The following KCND2 variants were observed in gnomAD, a reference collection of about 807,000 sequenced individuals.
The protein encoded by KCND2 is potassium voltage-gated channel subfamily D member 2.
KCND2 carries 16 observed loss-of-function variants against 54.4 expected under a neutral mutation model. That is an observed-to-expected ratio of 0.29 (90% CI 0.20 to 0.45). The LOEUF (loss-of-function observed/expected upper bound fraction) is 0.45. Among genes scored for constraint, KCND2 ranks in the 20% least tolerant of loss-of-function variants. The probability of loss-of-function intolerance (pLI) is 1.00; values close to 1 mark genes in which losing one functional copy is unlikely to be tolerated. For synonymous variants in KCND2, 317 were observed against 310.7 expected, an observed-to-expected ratio of 1.02 and a Z score of -0.21; for missense variants, 486 against 824.2, an observed-to-expected ratio of 0.59 and a Z score of 5.02.
At chr7:120,693,915 G>T (rs1562911612) in intron 1 of KCND2, among the ~76,000 whole-genome samples, 1 of 152,178 alleles carries the variant, frequency 6.6e-6, no homozygotes, top group Non-Finnish European at 1.5e-5. Context: ...GATGCGTGCG[G>T]TGGTTCATGC....
chr7:120,592,741 G>A (rs1377184646), intron 1 of KCND2, among the ~76,000 whole-genome samples: 1 of 152,172 alleles, frequency 6.6e-6, no homozygotes, highest in Admixed American at 6.5e-5. Context: ...AAGTTACACA[G>A]ATTGTAAAGA....
chr7:120,739,798 A>AGCACAC (rs779585490), intron 2 of KCND2, among the ~76,000 whole-genome samples: 1 of 143,970 alleles, frequency 6.9e-6, no homozygotes, highest in African/African-American at 2.5e-5. Context: ...TAACAAAAGA[A>AGCACAC]ACACACACAC....
intron 1 of KCND2, among the ~76,000 whole-genome samples, chr7:120,703,850 C>T (rs1792433504): frequency 6.6e-6 from 1 of 152,142 alleles, no homozygotes; most frequent in South Asian, 2.1e-4. Flanking sequence ...AACCAAATCC[C>T]ATCTTGTAGC....
intron 1 of KCND2, among the ~76,000 whole-genome samples, chr7:120,669,105 A>G (rs1388649998): frequency 6.6e-6 from 1 of 152,126 alleles, no homozygotes; most frequent in Non-Finnish European, 1.5e-5. Flanking sequence ...TAGTAGAAAC[A>G]AATAAATAGG....
intron 1 of KCND2, among the ~76,000 whole-genome samples, chr7:120,619,448 C>CA (rs1392034124): frequency 6.6e-6 from 1 of 152,082 alleles, no homozygotes; most frequent in Non-Finnish European, 1.5e-5. Context: ...TGTTAGAAAA[C>CA]AAAAAATGCA....
intron 1 of KCND2, among the ~76,000 whole-genome samples, chr7:120,355,933 A>T (rs1800497929): frequency 6.6e-6 from 1 of 152,192 alleles, no homozygotes; most frequent in South Asian, 2.1e-4. Flanking sequence ...TCTCCTGAGT[A>T]AATTTACATA....
intron 1 of KCND2, among the ~76,000 whole-genome samples, chr7:120,506,654 C>T (rs1348895277): frequency 6.6e-6 from 1 of 151,862 alleles, no homozygotes; most frequent in Admixed American, 6.6e-5. Context: ...ATATTTAAAG[C>T]TGTCAAATGG....
intron 1 of KCND2, among the ~76,000 whole-genome samples, chr7:120,302,910 A>G (rs1222399493): frequency 6.6e-6 from 1 of 152,198 alleles, no homozygotes; most frequent in East Asian, 1.9e-4. Flanking sequence ...TATATGGACA[A>G]AATGAAATAT....
intron 1 of KCND2, among the ~76,000 whole-genome samples, chr7:120,549,777 T>C (rs965465663): frequency 2.0e-5 from 3 of 152,200 alleles, no homozygotes; most frequent in African/African-American, 7.2e-5. Flanking sequence ...TTAGCATTAA[T>C]GGGAGTTGCC....
chr7:120,688,528 C>T (rs1026216723), intron 1 of KCND2, among the ~76,000 whole-genome samples: 2 of 152,166 alleles, frequency 1.3e-5, no homozygotes, highest in Non-Finnish European at 2.9e-5. Context: ...AGAGGACCTT[C>T]CCAGGCCCTG....
chr7:120,676,860 C>T (rs1584879746), intron 1 of KCND2, among the ~76,000 whole-genome samples: 1 of 152,140 alleles, frequency 6.6e-6, no homozygotes, highest in African/African-American at 2.4e-5. Flanking sequence ...AAAAAGGCAT[C>T]TGGGTAGCCA....
intron 1 of KCND2, among the ~76,000 whole-genome samples, chr7:120,472,759 A>C (rs548427926): frequency 1.3e-5 from 2 of 152,208 alleles, no homozygotes; most frequent in African/African-American, 4.8e-5. Flanking sequence ...TGGTATGAAC[A>C]ATGGCAGATC....
At chr7:120,458,062 G>A (rs1562843744) in intron 1 of KCND2, among the ~76,000 whole-genome samples, 1 of 152,126 alleles carries the variant, frequency 6.6e-6, no homozygotes, top group Non-Finnish European at 1.5e-5. Flanking sequence ...CAGATCTCAT[G>A]AGAACCAACT....
At chr7:120,533,699 T>C (rs1199195337) in intron 1 of KCND2, among the ~76,000 whole-genome samples, 1 of 152,146 alleles carries the variant, frequency 6.6e-6, no homozygotes, top group African/African-American at 2.4e-5. Flanking sequence ...TGCCTCTTCC[T>C]GCCCAGATCT....
At chr7:120,385,647 T>A (rs903850399) in intron 1 of KCND2, among the ~76,000 whole-genome samples, 1 of 152,120 alleles carries the variant, frequency 6.6e-6, no homozygotes, top group Non-Finnish European at 1.5e-5. Flanking sequence ...TAAAACCATA[T>A]ACAGTTTCAA....
At chr7:120,606,051 A>T (rs1023109948) in intron 1 of KCND2, among the ~76,000 whole-genome samples, 3 of 151,656 alleles carry the variant, frequency 2.0e-5, no homozygotes, top group African/African-American at 7.3e-5. Context: ...CCCTGCACAC[A>T]CTCTCTTTTC....
intron 1 of KCND2, among the ~76,000 whole-genome samples, chr7:120,539,099 A>G (rs1791947823): frequency 2.6e-5 from 4 of 152,298 alleles, no homozygotes; most frequent in Admixed American, 2.6e-4. Context: ...TATAGACTAT[A>G]TAACCATATT....
intron 1 of KCND2, among the ~76,000 whole-genome samples, chr7:120,410,961 G>T (rs1005048668): frequency 6.6e-6 from 1 of 151,826 alleles, no homozygotes; most frequent in East Asian, 1.9e-4. Flanking sequence ...GGACATTCGG[G>T]TTGGTTCCAA....
chr7:120,450,728 G>T (rs1305191405), intron 1 of KCND2, among the ~76,000 whole-genome samples: 3 of 152,152 alleles, frequency 2.0e-5, no homozygotes, highest in Non-Finnish European at 4.4e-5. Flanking sequence ...AAAGGAGTAG[G>T]CTTTAGATCT....
Sources: allele counts gnomAD v4.1 joint callset (sites outside exome capture counted in the v4.1 genomes callset), GRCh38; gene constraint gnomAD v4.1.1; transcripts MANE v1.5; gene names NCBI Gene and HGNC (gene_info 2026-07-23, HGNC 2026-07-21).